Variants in ADGRL4 observed in about 807,000 individuals in gnomAD.
ADGRL4 encodes the protein EGF, latrophilin and seven transmembrane domain containing 1.
A neutral mutation model predicts 74.8 loss-of-function variants in ADGRL4; 90 were observed. The ratio of observed to expected loss-of-function variants is 1.20; its 90% confidence interval spans 1.02 to 1.43. ADGRL4 has a LOEUF of 1.43. Ranked by LOEUF, ADGRL4 falls within the 40% of genes most tolerant of loss-of-function variation. The probability of loss-of-function intolerance (pLI) is 0.00; values close to 1 mark genes in which losing one functional copy is unlikely to be tolerated. For missense variants in ADGRL4, 881 were observed against 814.3 expected, an observed-to-expected ratio of 1.08 and a Z score of -1.00; for synonymous variants, 311 against 279.2, an observed-to-expected ratio of 1.11 and a Z score of -1.14.
intron 2 of ADGRL4, among the ~76,000 whole-genome samples, chr1:78,951,733 C>T (rs886620906): frequency 1.3e-5 from 2 of 152,206 alleles, no homozygotes; most frequent in African/African-American, 4.8e-5. Flanking sequence ...TGGGTTAAAT[C>T]ATGCTAGCGT....
At chr1:78,962,054 A>AT (rs35526975) in intron 2 of ADGRL4, among the ~76,000 whole-genome samples, 2 of 151,716 alleles carry the variant, frequency 1.3e-5, no homozygotes, top group Non-Finnish European at 2.9e-5. Context: ...CTAATTTTGT[A>AT]TTTTTTAGTA....
intron 12 of ADGRL4, among the ~76,000 whole-genome samples, chr1:78,904,442 TAATA>T (rs1648588560): frequency 6.6e-6 from 1 of 152,064 alleles, no homozygotes; most frequent in Admixed American, 6.6e-5. Flanking sequence ...TTTCATTCTT[TAATA>T]TATATTTTAA....
chr1:78,904,788 G>A lies in ADGRL4; in HGVS notation c.1750-11599C>T, dbSNP rs150889607. Among the ~76,000 whole-genome samples, 186 of 152,102 alleles carry A rather than the reference G, an allele frequency of 1.2e-3. 1 individual carries two copies. In the South Asian group the frequency reaches 0.015, roughly 12 times the overall value. On this transcript the variant is annotated intron_variant, in intron 12 of 14. Coordinates refer to ENST00000370742, the MANE Select transcript of ADGRL4 (RefSeq NM_022159.4). ...TTTCCTTGCGTGTAAAATGTGGATA[G>A]TATTAGTACTTATCTCACAGGTTGT... is the stretch of plus-strand genomic sequence containing the variant.
intron 10 of ADGRL4, 64 bp from the exon 11 acceptor site, chr1:78,918,114 A>C: frequency 3.0e-6 from 4 of 1,334,400 alleles, no homozygotes; most frequent in Non-Finnish European, 1.1e-6. Context: ...CATAACATAC[A>C]ATCTCTACTT....
chr1:78,935,779 C>G (rs1041794472), intron 7 of ADGRL4, among the ~76,000 whole-genome samples: 13 of 152,000 alleles, frequency 8.6e-5, no homozygotes, highest in Non-Finnish European at 1.8e-4. Flanking sequence ...ATATTGTCAG[C>G]CAAAATCCTC....
intron 2 of ADGRL4, among the ~76,000 whole-genome samples, chr1:78,961,698 G>A (rs1649955740): frequency 6.6e-6 from 1 of 152,042 alleles, no homozygotes; most frequent in Admixed American, 6.6e-5. Flanking sequence ...ATGTAGCCCT[G>A]ATGTTCTTAA....
intron 7 of ADGRL4, among the ~76,000 whole-genome samples, chr1:78,928,543 T>G (rs1649165502): frequency 6.6e-6 from 1 of 151,570 alleles, no homozygotes; most frequent in Non-Finnish European, 1.5e-5. Flanking sequence ...ATTTTTCTTC[T>G]TTACAATGCT....
intron 3 of ADGRL4, among the ~76,000 whole-genome samples, chr1:78,939,967 A>G (rs1437150685): frequency 6.6e-6 from 1 of 152,142 alleles, no homozygotes; most frequent in Non-Finnish European, 1.5e-5. Context: ...ATACTTTTTA[A>G]CTTTAATTCC....
At chr1:78,914,026 T>A (rs915672972) in intron 12 of ADGRL4, among the ~76,000 whole-genome samples, 2 of 151,886 alleles carry the variant, frequency 1.3e-5, no homozygotes, top group Admixed American at 1.3e-4. Context: ...ATTCTTCAGT[T>A]GATGTCTGGT....
chr1:78,908,027 A>G (rs1176016731), intron 12 of ADGRL4, among the ~76,000 whole-genome samples: 1 of 152,040 alleles, frequency 6.6e-6, no homozygotes, highest in African/African-American at 2.4e-5. Flanking sequence ...AATCAAGACC[A>G]AGCCACGCAG....
chr1:78,994,363 G>A (rs565711991), intron 2 of ADGRL4, among the ~76,000 whole-genome samples: 2 of 152,194 alleles, frequency 1.3e-5, no homozygotes, highest in African/African-American at 4.8e-5. Flanking sequence ...CTTGCAAGCA[G>A]AAATACCATT....
At chr1:78,982,150 A>G (rs545959620) in intron 2 of ADGRL4, among the ~76,000 whole-genome samples, 2 of 151,990 alleles carry the variant, frequency 1.3e-5, no homozygotes, top group Non-Finnish European at 2.9e-5. Flanking sequence ...TTACTCACTA[A>G]AACACTTTCT....
At chr1:78,961,065 A>AT (rs889805732) in intron 2 of ADGRL4, among the ~76,000 whole-genome samples, 1 of 151,872 alleles carries the variant, frequency 6.6e-6, no homozygotes, top group Admixed American at 6.6e-5. Flanking sequence ...TGTGTGCTCT[A>AT]TTTTTTATGA....
At chr1:78,988,501 A>G (rs1650541316) in intron 2 of ADGRL4, among the ~76,000 whole-genome samples, 1 of 151,936 alleles carries the variant, frequency 6.6e-6, no homozygotes, top group South Asian at 2.1e-4. Flanking sequence ...ATTAAACTGT[A>G]ACTCAGAAAT....
At chr1:78,960,038 G>T (rs1649917704) in intron 2 of ADGRL4, among the ~76,000 whole-genome samples, 1 of 152,060 alleles carries the variant, frequency 6.6e-6, no homozygotes, top group African/African-American at 2.4e-5. Flanking sequence ...ATTAACAATA[G>T]ATAATATCTG....
intron 8 of ADGRL4, among the ~76,000 whole-genome samples, chr1:78,923,713 A>C (rs1314495690): frequency 6.6e-6 from 1 of 152,002 alleles, no homozygotes; most frequent in Admixed American, 6.6e-5. Flanking sequence ...GGATTGAAAA[A>C]ATAAAGTTTC....
intron 3 of ADGRL4, among the ~76,000 whole-genome samples, chr1:78,941,959 G>A (rs535313046): frequency 6.6e-6 from 1 of 152,102 alleles, no homozygotes; most frequent in South Asian, 2.1e-4. Flanking sequence ...CAGCACTTTG[G>A]GAGGCCGAGG....
At chr1:78,994,087 A>C (rs1276796998) in intron 2 of ADGRL4, among the ~76,000 whole-genome samples, 1 of 152,202 alleles carries the variant, frequency 6.6e-6, no homozygotes, top group Non-Finnish European at 1.5e-5. Context: ...ATTCCTGAAA[A>C]TGTTCACAAA....
At chr1:78,988,881 C>A (rs890463556) in intron 2 of ADGRL4, among the ~76,000 whole-genome samples, 8 of 151,708 alleles carry the variant, frequency 5.3e-5, no homozygotes, top group South Asian at 2.1e-4. Flanking sequence ...CCATTTTTCC[C>A]AGAATTAAAA....
Sources: gnomAD v4.1 joint callset for allele counts (sites outside exome capture counted in the v4.1 genomes callset) on GRCh38, gnomAD v4.1.1 for gene constraint, MANE v1.5 for transcripts, NCBI Gene and HGNC (gene_info 2026-07-23, HGNC 2026-07-21) for gene names.